Variants in IMMP2L observed in about 807,000 individuals in gnomAD.
IMMP2L encodes the protein mitochondrial inner membrane protease subunit 2.
A neutral mutation model predicts 19.3 loss-of-function variants in IMMP2L; 18 were observed. That is an observed-to-expected ratio of 0.93 (90% CI 0.64 to 1.38). The LOEUF (loss-of-function observed/expected upper bound fraction) is 1.38, where lower values mean the gene tolerates loss of function less well. Ranked by LOEUF, IMMP2L falls within the 40% of genes most tolerant of loss-of-function variation. The pLI, the probability that IMMP2L is intolerant of heterozygous loss-of-function variation, is 0.00. For missense variants in IMMP2L, 233 were observed against 218.2 expected, an observed-to-expected ratio of 1.07 and a Z score of -0.43; for synonymous variants, 76 against 73.0, an observed-to-expected ratio of 1.04 and a Z score of -0.21.
intron 3 of IMMP2L, among the ~76,000 whole-genome samples, chr7:111,017,819 A>C (rs1367685098): frequency 1.3e-5 from 2 of 152,088 alleles, no homozygotes; most frequent in African/African-American, 4.8e-5. Flanking sequence ...AGCCATCAGA[A>C]GAAGAGAAAC....
At chr7:110,830,294 G>A (rs1034755911) in intron 5 of IMMP2L, among the ~76,000 whole-genome samples, 1 of 152,064 alleles carries the variant, frequency 6.6e-6, no homozygotes, top group Non-Finnish European at 1.5e-5. Context: ...ACTTTCCTGT[G>A]GACCGCTTCC....
chr7:110,896,016 C>T (rs1811285564), intron 4 of IMMP2L, among the ~76,000 whole-genome samples: 1 of 152,066 alleles, frequency 6.6e-6, no homozygotes, highest in African/African-American at 2.4e-5. Flanking sequence ...GAGATGGTGT[C>T]TTGCTATGTT....
rs1824003672 is a variant in IMMP2L, at chr7:111,315,783, A to T, written c.239+171455T>A. 2.0e-5 allele frequency among the ~76,000 whole-genome samples: 3 copies of T among 152,064 alleles called. No individual in the cohort carries two copies. The South Asian group carries it at 6.2e-4, about 32-fold the overall frequency. On this transcript the variant is annotated intron_variant, in intron 3 of 5. Coordinates refer to ENST00000405709, the MANE Select transcript of IMMP2L (RefSeq NM_032549.4). ...CAACTAATAAAAAGGTGAGTATTAC[A>T]GATAATAACTACATAGGAATGTAAA...
At chr7:110,806,177 T>C (rs946085669) in intron 5 of IMMP2L, among the ~76,000 whole-genome samples, 1 of 151,990 alleles carries the variant, frequency 6.6e-6, no homozygotes, top group African/African-American at 2.4e-5. Context: ...ACAAAACCTA[T>C]TTATTGCATG....
chr7:110,688,328 A>C (rs1290553927), intron 5 of IMMP2L, among the ~76,000 whole-genome samples: 2 of 152,094 alleles, frequency 1.3e-5, no homozygotes, highest in Admixed American at 6.6e-5. Context: ...GAACCTGTAC[A>C]ACTATGTTCA....
At chr7:111,468,158 T>C (rs1840859037) in intron 3 of IMMP2L, among the ~76,000 whole-genome samples, 1 of 152,178 alleles carries the variant, frequency 6.6e-6, no homozygotes, top group African/African-American at 2.4e-5. Context: ...GATCTATTGT[T>C]TTCTTATAAA....
intron 3 of IMMP2L, among the ~76,000 whole-genome samples, chr7:111,328,876 A>T (rs111680759): frequency 2.6e-5 from 4 of 151,974 alleles, no homozygotes; most frequent in African/African-American, 9.6e-5. Context: ...ACCACACTTA[A>T]AAAGATCATT....
At chr7:110,814,960 A>G (rs999994859) in intron 5 of IMMP2L, among the ~76,000 whole-genome samples, 6 of 152,000 alleles carry the variant, frequency 3.9e-5, no homozygotes, top group African/African-American at 7.2e-5. Context: ...ACAAAATACA[A>G]TTGATACAAT....
intron 4 of IMMP2L, among the ~76,000 whole-genome samples, chr7:110,922,619 C>T (rs931488093): frequency 6.6e-6 from 1 of 152,004 alleles, no homozygotes; most frequent in African/African-American, 2.4e-5. Context: ...TATTGTTTTT[C>T]TTCTCTTCAC....
intron 3 of IMMP2L, among the ~76,000 whole-genome samples, chr7:111,383,105 C>T (rs921062792): frequency 6.6e-6 from 1 of 151,976 alleles, no homozygotes; most frequent in African/African-American, 2.4e-5. Context: ...TGATTGGGGA[C>T]AGGGAACCCA....
intron 3 of IMMP2L, among the ~76,000 whole-genome samples, chr7:111,205,743 C>T (rs1220530895): frequency 6.6e-6 from 1 of 152,130 alleles, no homozygotes; most frequent in African/African-American, 2.4e-5. Flanking sequence ...TCTGCTCTCT[C>T]CCAGTTGCTG....
At chr7:111,290,107 G>A (rs1820926739) in intron 3 of IMMP2L, among the ~76,000 whole-genome samples, 1 of 152,074 alleles carries the variant, frequency 6.6e-6, no homozygotes, top group East Asian at 1.9e-4. Flanking sequence ...TAGAAAAGAA[G>A]GACATAGTTT....
At chr7:110,714,801 T>TG (rs1227161639) in intron 5 of IMMP2L, among the ~76,000 whole-genome samples, 2 of 152,180 alleles carry the variant, frequency 1.3e-5, no homozygotes, top group Non-Finnish European at 2.9e-5. Context: ...TTTGCCATGT[T>TG]GGTCAGGCAG....
chr7:111,132,854 G>T (rs966687073), intron 3 of IMMP2L, among the ~76,000 whole-genome samples: 1 of 152,030 alleles, frequency 6.6e-6, no homozygotes, highest in Non-Finnish European at 1.5e-5. Context: ...TTCTTTAAAA[G>T]ACTTTCTTAG....
chr7:110,680,772 C>T (rs1280030332), intron 5 of IMMP2L, among the ~76,000 whole-genome samples: 2 of 152,134 alleles, frequency 1.3e-5, no homozygotes, highest in African/African-American at 4.8e-5. Context: ...GGCGGAAGCA[C>T]CTGACCTGGG....
intron 3 of IMMP2L, among the ~76,000 whole-genome samples, chr7:111,374,173 T>C (rs1830483721): frequency 6.6e-6 from 1 of 152,098 alleles, no homozygotes; most frequent in Non-Finnish European, 1.5e-5. Flanking sequence ...TGCTAAAGCT[T>C]GATATTGTCA....
At chr7:111,400,856 ACTTTT>A (rs1403089874) in intron 3 of IMMP2L, among the ~76,000 whole-genome samples, 1 of 152,070 alleles carries the variant, frequency 6.6e-6, no homozygotes, top group Non-Finnish European at 1.5e-5. Flanking sequence ...TAATTTTACA[ACTTTT>A]CTTGTTTCCA....
intron 5 of IMMP2L, among the ~76,000 whole-genome samples, chr7:110,668,972 TG>T (rs1379623538): frequency 6.6e-6 from 1 of 151,616 alleles, no homozygotes; most frequent in Non-Finnish European, 1.5e-5. Flanking sequence ...GGTACAGTTT[TG>T]ACTTGCATAC....
At chr7:111,197,522 CA>C (rs1332356859) in intron 3 of IMMP2L, among the ~76,000 whole-genome samples, 1 of 152,040 alleles carries the variant, frequency 6.6e-6, no homozygotes, top group Non-Finnish European at 1.5e-5. Context: ...AAATAATTCT[CA>C]AGGTAATATA....
Sources: gnomAD v4.1 joint callset for allele counts (sites outside exome capture counted in the v4.1 genomes callset) on GRCh38, gnomAD v4.1.1 for gene constraint, MANE v1.5 for transcripts, NCBI Gene and HGNC (gene_info 2026-07-23, HGNC 2026-07-21) for gene names.